Variants in ATP8B4 observed in about 807,000 individuals in gnomAD.
ATP8B4 encodes the protein ATPase phospholipid transporting 8B4 (putative).
ATP8B4 carries 133 observed loss-of-function variants against 145.6 expected under a neutral mutation model. The ratio of observed to expected loss-of-function variants is 0.91; its 90% confidence interval spans 0.79 to 1.05. ATP8B4 has a LOEUF of 1.05. Among genes scored for constraint, ATP8B4 ranks in the 50% least tolerant of loss-of-function variants. The pLI, the probability that ATP8B4 is intolerant of heterozygous loss-of-function variation, is 0.00. For missense variants in ATP8B4, 1,458 were observed against 1,425.2 expected (o/e 1.02, Z -0.37); for synonymous variants, 507 against 492.9 (o/e 1.03, Z -0.38).
intron 3 of ATP8B4, among the ~76,000 whole-genome samples, chr15:50,062,585 T>G (rs2053104729): frequency 6.6e-6 from 1 of 152,112 alleles, no homozygotes; most frequent in Admixed American, 6.6e-5. Flanking sequence ...AGGAAGACAA[T>G]TCCACTTATG....
chr15:49,925,887 T>C (rs1485775098), intron 16 of ATP8B4, among the ~76,000 whole-genome samples: 2 of 152,176 alleles, frequency 1.3e-5, no homozygotes, highest in African/African-American at 2.4e-5. Context: ...CAGAAGTTAG[T>C]ATTTCTTAAA....
intron 7 of ATP8B4, among the ~76,000 whole-genome samples, chr15:50,003,045 A>G (rs918583186): frequency 2.6e-5 from 4 of 152,178 alleles, no homozygotes; most frequent in African/African-American, 9.7e-5. Context: ...TGAATGTCTA[A>G]AAAGAATTGG....
intron 14 of ATP8B4, among the ~76,000 whole-genome samples, chr15:49,957,139 T>A (rs188863007): frequency 6.6e-6 from 1 of 152,120 alleles, no homozygotes; most frequent in Non-Finnish European, 1.5e-5. Context: ...AATCGACTCA[T>A]AGAAATTTAT....
At chr15:49,898,001 A>G (rs1442934699) in intron 22 of ATP8B4, 67 bp downstream of exon 22, 11 of 1,545,170 alleles carry the variant, frequency 7.1e-6, no homozygotes, top group Admixed American at 3.4e-5. Context: ...GTGATTATAT[A>G]TTGCCAAATG....
chr15:49,996,533 C>A, intron 9 of ATP8B4, 144 bp downstream of exon 9: 1 of 623,250 alleles, frequency 1.6e-6, no homozygotes, highest in South Asian at 2.6e-5. Context: ...TTTTAGCGTG[C>A]GAAGAAATTA....
intron 20 of ATP8B4, among the ~76,000 whole-genome samples, chr15:49,909,307 C>T (rs948260481): frequency 1.3e-5 from 2 of 152,210 alleles, no homozygotes; most frequent in African/African-American, 2.4e-5. Flanking sequence ...TAGCACCCAC[C>T]TGCACTTACC....
intron 3 of ATP8B4, among the ~76,000 whole-genome samples, chr15:50,071,711 G>A (rs2053749480): frequency 6.6e-6 from 1 of 152,196 alleles, no homozygotes; most frequent in Non-Finnish European, 1.5e-5. Flanking sequence ...TATGTCAGGA[G>A]GCCATACAGA....
rs577223666 is a variant in ATP8B4 at position 49,965,662 on chromosome 15, T to G, written c.1244-3642A>C. On this transcript the variant is annotated intron_variant, in intron 13 of 27. Transcript: ENST00000284509. The stretch of plus-strand genomic sequence containing the variant: ...TCAAGGCAGCCCCGTAAATGAATAG[T>G]AGATTCCCAAAACCATGTGCACTTA... 2.6e-5 allele frequency among the ~76,000 whole-genome samples: 4 copies of G among 152,264 alleles called. No homozygotes were observed. The East Asian group carries it at 5.8e-4, about 22-fold the overall frequency.
chr15:50,133,330 G>C (rs2044074215), intron 1 of ATP8B4, among the ~76,000 whole-genome samples: 8 of 152,084 alleles, frequency 5.3e-5, no homozygotes, highest in Admixed American at 5.2e-4. Context: ...TATAATCCTA[G>C]CACTTTGGGA....
rs538878966 is a variant in ATP8B4 at position 50,040,993 on chromosome 15, G to T, written c.301-2164C>A. 9.2e-5 allele frequency among the ~76,000 whole-genome samples: 14 copies of T among 152,298 alleles called. No individual in the cohort carries two copies. In the East Asian group the frequency reaches 2.7e-3, roughly 29 times the overall value. ...TGGCCATGTTATACAGAAAAGGAAA[G>T]ATTTGAGAAGTTAAGTCATTTGCCT... is the stretch of plus-strand genomic sequence containing the variant. On this transcript the variant is annotated intron_variant, in intron 5 of 27. Coordinates refer to ENST00000284509, the MANE Select transcript of ATP8B4 (RefSeq NM_024837.4).
intron 12 of ATP8B4, among the ~76,000 whole-genome samples, chr15:49,974,646 C>A (rs2153526071): frequency 6.6e-6 from 1 of 152,142 alleles, no homozygotes; most frequent in South Asian, 2.1e-4. Context: ...CTTCTCTATG[C>A]CAAGATTATA....
chr15:49,891,225 T>C (rs991447325), intron 23 of ATP8B4, among the ~76,000 whole-genome samples: 1 of 151,860 alleles, frequency 6.6e-6, no homozygotes, highest in East Asian at 1.9e-4. Context: ...GCAGACTAAT[T>C]GTGCCTAAGT....
intron 2 of ATP8B4, among the ~76,000 whole-genome samples, chr15:50,100,217 G>A (rs1341730695): frequency 1.3e-5 from 2 of 151,950 alleles, no homozygotes; most frequent in Non-Finnish European, 2.9e-5. Flanking sequence ...GAAATGTAAG[G>A]GCAACTTTAT....
intron 5 of ATP8B4, among the ~76,000 whole-genome samples, chr15:50,043,036 A>T (rs1669811555): frequency 6.6e-6 from 1 of 152,248 alleles, no homozygotes; most frequent in South Asian, 2.1e-4. Flanking sequence ...TTAGCCTACT[A>T]TATATGCTGT....
intron 20 of ATP8B4, among the ~76,000 whole-genome samples, chr15:49,909,727 A>G (rs1261334158): frequency 4.0e-5 from 6 of 150,432 alleles, no homozygotes; most frequent in Non-Finnish European, 7.4e-5. Flanking sequence ...TTTACCAAAA[A>G]AAAAAAAAAA....
intron 2 of ATP8B4, among the ~76,000 whole-genome samples, chr15:50,097,071 A>G (rs1266233432): frequency 1.3e-5 from 2 of 152,252 alleles, no homozygotes; most frequent in Non-Finnish European, 2.9e-5. Flanking sequence ...TGCAAATTCA[A>G]ACAAAAACTA....
intron 25 of ATP8B4, among the ~76,000 whole-genome samples, chr15:49,874,664 T>G (rs1015324953): frequency 6.6e-6 from 1 of 152,200 alleles, no homozygotes; most frequent in Non-Finnish European, 1.5e-5. Context: ...ATATCATTCT[T>G]ATAAAACTTG....
At chr15:49,937,881 G>C (rs529391195) in intron 14 of ATP8B4, among the ~76,000 whole-genome samples, 1 of 152,234 alleles carries the variant, frequency 6.6e-6, no homozygotes, top group East Asian at 1.9e-4. Flanking sequence ...CACCTACTGT[G>C]GGCCAGGCAA....
intron 20 of ATP8B4, 56 bp from the exon 21 acceptor site, chr15:49,901,295 A>G: frequency 6.5e-7 from 1 of 1,534,986 alleles, no homozygotes; most frequent in Non-Finnish European, 8.9e-7. Flanking sequence ...CATGCCTACT[A>G]ATTCTAACAA....
Sources: gnomAD v4.1 joint callset for allele counts (sites outside exome capture counted in the v4.1 genomes callset) on GRCh38, gnomAD v4.1.1 for gene constraint, MANE v1.5 for transcripts, NCBI Gene and HGNC (gene_info 2026-07-23, HGNC 2026-07-21) for gene names.